The following OPCML variants were observed in gnomAD, a reference collection of about 807,000 sequenced individuals.
OPCML encodes opioid-binding protein/cell adhesion molecule.
OPCML carries 13 observed loss-of-function variants against 37.8 expected under a neutral mutation model. The observed-to-expected ratio is 0.34, with a 90% CI of 0.22 to 0.55. The LOEUF is 0.55. Ranked by LOEUF, OPCML falls within the 20% of genes least tolerant of loss-of-function variation. The pLI, the probability that OPCML is intolerant of heterozygous loss-of-function variation, is 0.91. For missense variants in OPCML, 341 were observed against 435.6 expected (o/e 0.78, Z 1.93); for synonymous variants, 176 against 168.8 (o/e 1.04, Z -0.33).
chr11:132,706,155 C>A (rs915173019), intron 2 of OPCML, among the ~76,000 whole-genome samples: 1 of 152,096 alleles, frequency 6.6e-6, no homozygotes, highest in Non-Finnish European at 1.5e-5. Flanking sequence ...CAAGGGGGAG[C>A]AAAGCTGAAT....
At chr11:132,581,792 C>A (rs950081930) in intron 3 of OPCML, among the ~76,000 whole-genome samples, 2 of 152,006 alleles carry the variant, frequency 1.3e-5, no homozygotes, top group African/African-American at 4.8e-5. Context: ...GCTTGACTGC[C>A]ATGAGGTCTG....
At chr11:132,573,810 T>C (rs1403163818) in intron 3 of OPCML, among the ~76,000 whole-genome samples, 2 of 152,006 alleles carry the variant, frequency 1.3e-5, no homozygotes, top group Non-Finnish European at 2.9e-5. Context: ...AGATTGGCCT[T>C]AATTATTTCC....
chr11:133,312,539 A>C (rs1028653954), intron 1 of OPCML, among the ~76,000 whole-genome samples: 1 of 152,192 alleles, frequency 6.6e-6, no homozygotes, highest in African/African-American at 2.4e-5. Flanking sequence ...CCCTTTGCTC[A>C]GCCTGTGTAA....
At chr11:132,786,733 T>A (rs1183987241) in intron 2 of OPCML, among the ~76,000 whole-genome samples, 2 of 152,222 alleles carry the variant, frequency 1.3e-5, no homozygotes, top group African/African-American at 4.8e-5. Flanking sequence ...CTGTGTATAG[T>A]AGGCATTCAA....
At chr11:132,823,365 C>T (rs1252094276) in intron 2 of OPCML, among the ~76,000 whole-genome samples, 1 of 152,176 alleles carries the variant, frequency 6.6e-6, no homozygotes, top group Non-Finnish European at 1.5e-5. Flanking sequence ...CACCTGTCCT[C>T]ACACCCCTTC....
chr11:133,059,317 C>G (rs898524673), intron 1 of OPCML, among the ~76,000 whole-genome samples: 1 of 152,182 alleles, frequency 6.6e-6, no homozygotes, highest in Admixed American at 6.5e-5. Context: ...AGAGTGTGAT[C>G]CACAAATCTC....
At chr11:133,360,864 T>G (rs1269058360) in intron 1 of OPCML, 1 of 152,238 alleles carries the variant, frequency 6.6e-6, no homozygotes, top group Non-Finnish European at 1.5e-5. Flanking sequence ...TTCCTTCTCT[T>G]GGAAGTGGAG....
chr11:133,146,463 C>T (rs1195786962), intron 1 of OPCML, among the ~76,000 whole-genome samples: 11 of 151,820 alleles, frequency 7.2e-5, no homozygotes, highest in African/African-American at 2.7e-4. Context: ...TACAGGCACC[C>T]GCCACCATGC....
chr11:133,144,400 G>A lies in OPCML; in HGVS notation c.62-201390C>T, dbSNP rs1212055218. 4.6e-5 allele frequency among the ~76,000 whole-genome samples: 7 copies of A among 152,322 alleles called. 1 individual carries two copies. The South Asian group carries it at 1.0e-3, about 23-fold the overall frequency. On this transcript the variant is annotated intron_variant, in intron 1 of 7. Transcript: ENST00000524381. ...GAGGGTTGCCTTTTGACCCTCTTCA[G>A]CAATAATGTTTTATTTCTTCAGGCA...
intron 1 of OPCML, chr11:133,006,414 TG>T: frequency 1.0e-6 from 1 of 984,458 alleles, no homozygotes; most frequent in Non-Finnish European, 1.2e-6. Context: ...TTAGCTGAAC[TG>T]AAAAAAAGTC....
At chr11:133,056,952 T>G (rs1948252080) in intron 1 of OPCML, among the ~76,000 whole-genome samples, 1 of 152,210 alleles carries the variant, frequency 6.6e-6, no homozygotes, top group African/African-American at 2.4e-5. Context: ...CAAGTGATTC[T>G]CCTGCCTCAG....
intron 1 of OPCML, among the ~76,000 whole-genome samples, chr11:133,199,954 C>T (rs1938700290): frequency 6.6e-6 from 1 of 152,202 alleles, no homozygotes; most frequent in South Asian, 2.1e-4. Flanking sequence ...AATCTTTGCA[C>T]TGACTCGGGA....
At chr11:133,520,088 C>A (rs941403182) in intron 1 of OPCML, among the ~76,000 whole-genome samples, 5 of 152,024 alleles carry the variant, frequency 3.3e-5, no homozygotes. Flanking sequence ...TCCACCCCAC[C>A]CCAGGCAAGA....
chr11:132,878,019 A>C (rs1943084371), intron 2 of OPCML, among the ~76,000 whole-genome samples: 1 of 152,200 alleles, frequency 6.6e-6, no homozygotes, highest in African/African-American at 2.4e-5. Flanking sequence ...CGTCTCTACT[A>C]AAAATACAAC....
In OPCML at chr11:133,306,432, C is replaced by T. The variant is rs542722568; in HGVS notation, c.61+225832G>A. Among the ~76,000 whole-genome samples, 49 of 152,174 alleles carry T rather than the reference C, an allele frequency of 3.2e-4. No individual in the cohort carries two copies. The South Asian group carries it at 5.2e-3, about 16-fold the overall frequency. On this transcript the variant is annotated intron_variant, in intron 1 of 7. Coordinates refer to ENST00000524381, the MANE Select transcript of OPCML (RefSeq NM_001012393.5). The stretch of plus-strand genomic sequence containing the variant: ...CTTAATTTTGAATAATGATTTGACG[C>T]GGTCACTCTAAAATTGACATTGGTT...
intron 1 of OPCML, among the ~76,000 whole-genome samples, chr11:133,370,692 G>A (rs961438781): frequency 6.6e-6 from 1 of 152,060 alleles, no homozygotes; most frequent in Non-Finnish European, 1.5e-5. Context: ...AATAACATAA[G>A]TATTAAGACC....
rs538287131 is a variant in OPCML at position 133,354,135 on chromosome 11, C to A, written c.61+178129G>T. Among the ~76,000 whole-genome samples the A allele has an allele frequency of 8.1e-4, 3 of 3,682 alleles. No homozygotes were observed. The East Asian group carries it at 0.014, about 18-fold the overall frequency. The allele number at this position is 3,682 out of a possible 152,430, so 2.4% of individuals were successfully genotyped here. Reference sequence around the variant, plus strand: ...GATTTAAGTCTGCAGAATCAAAGGGCGTTTATAAAAAACCTAAGTAGCTAT... The same window carrying A: ...GATTTAAGTCTGCAGAATCAAAGGGAGTTTATAAAAAACCTAAGTAGCTAT... On this transcript the variant is annotated intron_variant, in intron 1 of 7. Coordinates refer to ENST00000524381, the MANE Select transcript of OPCML (RefSeq NM_001012393.5).
chr11:132,855,543 T>TC (rs1220191391), intron 2 of OPCML, among the ~76,000 whole-genome samples: 1 of 152,140 alleles, frequency 6.6e-6, no homozygotes, highest in African/African-American at 2.4e-5. Flanking sequence ...TGATTTCATT[T>TC]CTCCCGGGTT....
chr11:133,420,253 C>CT, intron 1 of OPCML: 1 of 985,304 alleles, frequency 1.0e-6, no homozygotes, highest in Non-Finnish European at 1.2e-6. Context: ...TGCTGCAATA[C>CT]TGATCACAGA....
Sources: gnomAD v4.1 joint callset for allele counts (sites outside exome capture counted in the v4.1 genomes callset) on GRCh38, gnomAD v4.1.1 for gene constraint, MANE v1.5 for transcripts, NCBI Gene and HGNC (gene_info 2026-07-23, HGNC 2026-07-21) for gene names.